HPSE2: variants seen among roughly 807,000 people sequenced by gnomAD.
The protein encoded by HPSE2 is inactive heparanase-2.
A neutral mutation model predicts 60.5 loss-of-function variants in HPSE2; 38 were observed. That is an observed-to-expected ratio of 0.63 (90% CI 0.48 to 0.82). HPSE2 has a LOEUF of 0.82. Ranked by LOEUF, HPSE2 falls within the 40% of genes least tolerant of loss-of-function variation. The pLI is 0.00. For missense variants in HPSE2, 713 were observed against 740.4 expected (o/e 0.96, Z 0.43); for synonymous variants, 295 against 293.2 (o/e 1.01, Z -0.06).
chr10:98,678,383 A>C (rs187268825), intron 6 of HPSE2, among the ~76,000 whole-genome samples: 93 of 152,298 alleles, frequency 6.1e-4, no homozygotes, highest in Admixed American at 1.2e-3. Context: ...CTCAAGCTTT[A>C]ATGCACATCA....
At chr10:99,172,396 G>C (rs956651447) in intron 2 of HPSE2, among the ~76,000 whole-genome samples, 2 of 152,150 alleles carry the variant, frequency 1.3e-5, no homozygotes, top group African/African-American at 4.8e-5. Context: ...GCTTTCAAAA[G>C]AGAGTATAAT....
chr10:98,605,056 T>C (rs1945538466), intron 9 of HPSE2, among the ~76,000 whole-genome samples: 1 of 152,198 alleles, frequency 6.6e-6, no homozygotes, highest in Non-Finnish European at 1.5e-5. Flanking sequence ...ATATTACAAA[T>C]ATCTGCCAAT....
chr10:99,171,527 C>A (rs963809257), intron 2 of HPSE2, among the ~76,000 whole-genome samples: 2 of 151,970 alleles, frequency 1.3e-5, no homozygotes, highest in African/African-American at 4.8e-5. Context: ...TAGGATTATC[C>A]CAATATCAAG....
At chr10:99,146,229 A>G (rs1358635538) in intron 2 of HPSE2, among the ~76,000 whole-genome samples, 1 of 152,226 alleles carries the variant, frequency 6.6e-6, no homozygotes, top group Non-Finnish European at 1.5e-5. Flanking sequence ...TTCCAAAAAT[A>G]TTATCAAAGT....
the HPSE2 span, among the ~76,000 whole-genome samples, chr10:99,247,914 T>A: frequency 6.6e-6 from 1 of 152,350 alleles, no homozygotes; most frequent in African/African-American, 2.4e-5. Context: ...ATGTAAGACA[T>A]GCCTACTTCC....
chr10:98,565,287 C>T (rs932068279), intron 9 of HPSE2, among the ~76,000 whole-genome samples: 2 of 152,048 alleles, frequency 1.3e-5, no homozygotes, highest in East Asian at 1.9e-4. Flanking sequence ...TTAAGCCCCA[C>T]ATGCATTAGC....
the HPSE2 span, among the ~76,000 whole-genome samples, chr10:99,244,439 C>G: frequency 1.4e-5 from 2 of 144,106 alleles, no homozygotes; most frequent in Non-Finnish European, 3.0e-5. Flanking sequence ...CACGGTCTCA[C>G]TCTGTCACCC....
intron 3 of HPSE2, among the ~76,000 whole-genome samples, chr10:98,745,542 C>A (rs1022799412): frequency 6.6e-6 from 1 of 152,190 alleles, no homozygotes; most frequent in Non-Finnish European, 1.5e-5. Flanking sequence ...TTAGGCCTCC[C>A]TATTTCTCTT....
At chr10:99,109,858 A>G (rs1201178199) in intron 3 of HPSE2, among the ~76,000 whole-genome samples, 3 of 152,230 alleles carry the variant, frequency 2.0e-5, no homozygotes, top group African/African-American at 4.8e-5. Context: ...AATGTTTAAT[A>G]TGAGTCGGGT....
chr10:98,724,161 T>G (rs959874054), intron 4 of HPSE2, among the ~76,000 whole-genome samples: 27 of 152,136 alleles, frequency 1.8e-4, no homozygotes, highest in Non-Finnish European at 2.9e-4. Context: ...TCTGGTATGT[T>G]GTGTCTTTGT....
chr10:99,237,303 G>A (rs1173912003), upstream of HPSE2, among the ~76,000 whole-genome samples: 1 of 152,076 alleles, frequency 6.6e-6, no homozygotes, highest in East Asian at 1.9e-4. Flanking sequence ...TATCAAACAA[G>A]CAAAACCCTA....
intron 2 of HPSE2, among the ~76,000 whole-genome samples, chr10:99,211,090 A>G (rs1163001119): frequency 6.6e-6 from 1 of 152,190 alleles, no homozygotes; most frequent in Admixed American, 6.5e-5. Context: ...TCAACATACA[A>G]AACTCACAAG....
chr10:98,594,439 A>C (rs1298505575), intron 9 of HPSE2, among the ~76,000 whole-genome samples: 1 of 152,122 alleles, frequency 6.6e-6, no homozygotes, highest in African/African-American at 2.4e-5. Flanking sequence ...TAAATTTATT[A>C]GTTCTAATGG....
chr10:98,931,232 T>C (rs2135109844), intron 3 of HPSE2, among the ~76,000 whole-genome samples: 1 of 144,274 alleles, frequency 6.9e-6, no homozygotes, highest in South Asian at 2.1e-4. Flanking sequence ...GGGCATCTTT[T>C]CCCCATTGCA....
chr10:99,132,132 G>GGAAA (rs1364177793), intron 3 of HPSE2, among the ~76,000 whole-genome samples: 47 of 111,736 alleles, frequency 4.2e-4, no homozygotes, highest in African/African-American at 1.4e-3. Flanking sequence ...AAGAAAGAAA[G>GGAAA]GAAAGAAAGA....
At chr10:99,120,428 T>A (rs1236609190) in intron 3 of HPSE2, among the ~76,000 whole-genome samples, 1 of 151,862 alleles carries the variant, frequency 6.6e-6, no homozygotes, top group Non-Finnish European at 1.5e-5. Flanking sequence ...GTTCTCCATA[T>A]CCTCTCCTGC....
chr10:98,482,576 C>T (rs1381802894), intron 11 of HPSE2, 60 bp downstream of exon 11: 26 of 1,606,996 alleles, frequency 1.6e-5, no homozygotes, highest in South Asian at 6.6e-5. Flanking sequence ...TGTCTTCAGC[C>T]TCCCCCTCCC....
intron 3 of HPSE2, among the ~76,000 whole-genome samples, chr10:98,803,704 A>T (rs1950973229): frequency 6.6e-6 from 1 of 150,842 alleles, no homozygotes; most frequent in African/African-American, 2.5e-5. Context: ...TACCAGTAGC[A>T]TGCTGTTTTG....
At chr10:99,013,130 T>G in intron 3 of HPSE2, 1 of 668,892 alleles carries the variant, frequency 1.5e-6, no homozygotes, top group Non-Finnish European at 2.8e-6. Context: ...ACATTAACCA[T>G]TCAAGTCCTT....
Sources: gnomAD v4.1 joint callset for allele counts (sites outside exome capture counted in the v4.1 genomes callset) on GRCh38, gnomAD v4.1.1 for gene constraint, MANE v1.5 for transcripts, NCBI Gene and HGNC (gene_info 2026-07-23, HGNC 2026-07-21) for gene names.